Variants in GRM7 observed in about 807,000 individuals in gnomAD.
The protein encoded by GRM7 is metabotropic glutamate receptor 7.
In GRM7, 35 loss-of-function variants were observed where a neutral mutation model predicts 84.5. The observed-to-expected ratio is 0.41, with a 90% CI of 0.32 to 0.55. The LOEUF is 0.55. Ranked by LOEUF, GRM7 falls within the 20% of genes least tolerant of loss-of-function variation. The probability of loss-of-function intolerance (pLI) is 0.19; values close to 1 mark genes in which losing one functional copy is unlikely to be tolerated. For synonymous variants in GRM7, 487 were observed against 455.1 expected, an observed-to-expected ratio of 1.07 and a Z score of -0.89; for missense variants, 1,003 against 1,194.6, an observed-to-expected ratio of 0.84 and a Z score of 2.36.
At chr3:6,873,485 A>G (rs1348932254) in intron 1 of GRM7, among the ~76,000 whole-genome samples, 1 of 152,144 alleles carries the variant, frequency 6.6e-6, no homozygotes, top group East Asian at 1.9e-4. Context: ...AGCTTCAGCA[A>G]TTTACCTGAT....
At chr3:7,258,231 T>A (rs1240989284) in intron 2 of GRM7, among the ~76,000 whole-genome samples, 1 of 152,170 alleles carries the variant, frequency 6.6e-6, no homozygotes, top group Non-Finnish European at 1.5e-5. Flanking sequence ...GCCCCATTTC[T>A]TGGCTAGTTC....
intron 2 of GRM7, among the ~76,000 whole-genome samples, chr3:7,175,080 T>C (rs1398175224): frequency 1.3e-5 from 2 of 152,118 alleles, no homozygotes; most frequent in East Asian, 1.9e-4. Flanking sequence ...AGGAGATGAA[T>C]GGAGAAAAAC....
rs1574964282 is a variant in GRM7, at chr3:7,150,607, T to C, written c.736+3939T>C. On this transcript the variant is annotated intron_variant, in intron 2 of 9. Coordinates refer to ENST00000357716, the MANE Select transcript of GRM7 (RefSeq NM_000844.4). Reference sequence around the variant, plus strand: ...AACATGATTTTCTCAGACGATGAGGTTTTGTAAAACAGTTATATTTGCATA... The same window carrying C: ...AACATGATTTTCTCAGACGATGAGGCTTTGTAAAACAGTTATATTTGCATA... Among the ~76,000 whole-genome samples the C allele has an allele frequency of 2.0e-5, 3 of 152,296 alleles. No individual in the cohort carries two copies. In the South Asian group the frequency reaches 6.2e-4, roughly 32 times the overall value.
intron 2 of GRM7, among the ~76,000 whole-genome samples, chr3:7,180,454 C>T (rs1375768472): frequency 3.3e-5 from 5 of 152,264 alleles, no homozygotes; most frequent in African/African-American, 1.2e-4. Context: ...CTTAAGAGTA[C>T]AGACTAGGGT....
At chr3:7,555,135 A>AC (rs749352811) in intron 7 of GRM7, among the ~76,000 whole-genome samples, 1 of 152,196 alleles carries the variant, frequency 6.6e-6, no homozygotes, top group Non-Finnish European at 1.5e-5. Context: ...TGTGGATGAC[A>AC]CTTGTGAGAA....
intron 2 of GRM7, among the ~76,000 whole-genome samples, chr3:7,159,107 T>C (rs1366707906): frequency 2.0e-5 from 3 of 152,312 alleles, no homozygotes; most frequent in South Asian, 2.1e-4. Context: ...AGTAGATTTT[T>C]ATAGATTAGT....
rs1553630294 is a variant in GRM7, at chr3:7,644,122, G to GTT, written c.2452-35926_2452-35925insTT. Among the ~76,000 whole-genome samples the GTT allele has an allele frequency of 3.0e-4, 29 of 97,338 alleles. 1 individual carries two copies. The highest frequency in any genetic ancestry group is 1.1e-3 in the African/African-American group (28 of 25,604). 63.9% of individuals were successfully genotyped at this position (97,338 alleles called of 152,430 possible). ...CAATTTTTAAAACACTGTGCATGTT[G>GTT]TGTGTGTGTGTGTGTATATATATGT... On this transcript the variant is annotated intron_variant, in intron 8 of 9. Transcript: ENST00000357716.
At chr3:7,693,844 C>T (rs190854657) in intron 9 of GRM7, 4 of 542,664 alleles carry the variant, frequency 7.4e-6, no homozygotes, top group African/African-American at 1.9e-5. Flanking sequence ...CTTAAAAGTC[C>T]AACATAATTA....
intron 2 of GRM7, among the ~76,000 whole-genome samples, chr3:7,169,858 C>T (rs1442984951): frequency 6.6e-6 from 1 of 152,164 alleles, no homozygotes; most frequent in African/African-American, 2.4e-5. Context: ...CCATAAGAAG[C>T]TCAGGAGTCT....
At chr3:6,882,678 T>C (rs1409352774) in intron 1 of GRM7, among the ~76,000 whole-genome samples, 3 of 152,248 alleles carry the variant, frequency 2.0e-5, no homozygotes, top group East Asian at 3.8e-4. Flanking sequence ...AAATATATAA[T>C]ACTTTTAATT....
At chr3:6,920,728 G>A (rs1277959412) in intron 1 of GRM7, among the ~76,000 whole-genome samples, 1 of 152,102 alleles carries the variant, frequency 6.6e-6, no homozygotes, top group Non-Finnish European at 1.5e-5. Context: ...GCTTGGGGCT[G>A]GGTCTCCTTC....
chr3:7,672,229 T>G (rs1440433699), intron 8 of GRM7, among the ~76,000 whole-genome samples: 1 of 152,202 alleles, frequency 6.6e-6, no homozygotes, highest in Non-Finnish European at 1.5e-5. Flanking sequence ...TGTCTCATTC[T>G]CAGCTATGTG....
intron 2 of GRM7, among the ~76,000 whole-genome samples, chr3:7,200,142 G>A (rs1696016268): frequency 6.6e-6 from 1 of 152,100 alleles, no homozygotes; most frequent in South Asian, 2.1e-4. Flanking sequence ...TTAACGACAT[G>A]CTCTTGGAAA....
intron 9 of GRM7, among the ~76,000 whole-genome samples, chr3:7,736,591 T>A (rs1457053508): frequency 6.6e-6 from 1 of 152,140 alleles, no homozygotes; most frequent in Non-Finnish European, 1.5e-5. Flanking sequence ...AGCTATAGTT[T>A]ATGGACAACA....
chr3:6,915,043 T>C (rs1696895919), intron 1 of GRM7, among the ~76,000 whole-genome samples: 1 of 152,166 alleles, frequency 6.6e-6, no homozygotes, highest in Admixed American at 6.6e-5. Context: ...TCCTTATTGC[T>C]CCAGGACTAA....
intron 7 of GRM7, among the ~76,000 whole-genome samples, chr3:7,545,564 A>G (rs779736): frequency 0.023 from 3,560 of 152,306 alleles, 72 homozygotes; most frequent in Non-Finnish European, 0.037. Context: ...TTTTAACCAG[A>G]AAGTCTTTGT....
At chr3:7,680,002 T>C (rs750832710) in intron 8 of GRM7, 47 bp from the exon 9 acceptor site, 1 of 1,593,498 alleles carries the variant, frequency 6.3e-7, no homozygotes, top group Non-Finnish European at 8.6e-7. Context: ...AGACCCCTAC[T>C]GCAGTCATTT....
At chr3:7,661,551 T>C (rs1370037254) in intron 8 of GRM7, among the ~76,000 whole-genome samples, 1 of 152,042 alleles carries the variant, frequency 6.6e-6, no homozygotes, top group African/African-American at 2.4e-5. Context: ...TCCCAGCACT[T>C]TGGGACGCCA....
chr3:7,571,340 T>C (rs1694645287), intron 7 of GRM7, among the ~76,000 whole-genome samples: 1 of 152,194 alleles, frequency 6.6e-6, no homozygotes, highest in Non-Finnish European at 1.5e-5. Context: ...TAAAACTGAA[T>C]GCCTTTAACA....
Sources: allele counts gnomAD v4.1 joint callset (sites outside exome capture counted in the v4.1 genomes callset), GRCh38; gene constraint gnomAD v4.1.1; transcripts MANE v1.5; gene names NCBI Gene and HGNC (gene_info 2026-07-23, HGNC 2026-07-21).